The following MESP2 variants were observed in gnomAD, a reference collection of about 807,000 sequenced individuals.
MESP2 encodes mesoderm posterior protein 2.
Under a neutral mutation model 37.8 loss-of-function variants are expected in MESP2, and 34 were observed. The ratio of observed to expected loss-of-function variants is 0.90; its 90% CI spans 0.68 to 1.20. The LOEUF (loss-of-function observed/expected upper bound fraction) is 1.20, where lower values mean the gene tolerates loss of function less well. MESP2 is among the 50% of genes most tolerant of loss of function. The pLI, the probability that MESP2 is intolerant of heterozygous loss-of-function variation, is 0.00. For missense variants in MESP2, 646 were observed against 545.3 expected, an observed-to-expected ratio of 1.18 and a Z score of -1.84; for synonymous variants, 303 against 251.6, an observed-to-expected ratio of 1.20 and a Z score of -1.93.
Position 89,777,199 on chromosome 15 carries a change from C to A in MESP2, c.842C>A (p.Thr281Lys). The A allele has an allele frequency of 6.2e-7, 1 of 1,612,738 alleles. No homozygotes were observed. Among genetic ancestry groups the A allele is most frequent in the Non-Finnish European group, 8.5e-7 (1 of 1,179,902 alleles). ...LWTPPQGCPW[T>K]QSSPEPRNPP... Reference sequence around the variant, plus strand: ...ACGCCACCCCAAGGCTGTCCCTGGACGCAGTCGTCCCCAGAGCCCCGGAAC... The same window carrying A: ...ACGCCACCCCAAGGCTGTCCCTGGAAGCAGTCGTCCCCAGAGCCCCGGAAC... The change falls in exon 1 of 2, where the codon ACG (threonine) becomes AAG (lysine). Residue 281 changes from threonine to lysine, a missense_variant. By Grantham distance (78) the Thr-to-Lys change is moderately conservative (BLOSUM62 -1). Transcript: ENST00000341735.
In MESP2 at chr15:89,776,463, TCCTCCGATTCG is replaced by T; in HGVS notation, c.107_117del (p.Ser36PhefsTer327). 3 of 1,534,236 alleles carry T rather than the reference TCCTCCGATTCG, an allele frequency of 2.0e-6. No homozygotes were observed. The highest frequency in any genetic ancestry group is 2.6e-6 in the Non-Finnish European group (3 of 1,146,040). ...CTGGGACTCCACGTCCCCGGCCTCC[TCCTCCGATTCG>T]TCGGGTTCGTGCCCCTGCGACGGCG... On this transcript the variant is annotated frameshift_variant, in exon 1 of 2. Transcript: ENST00000341735. LOFTEE classifies it high-confidence loss of function.
rs199662104 is a variant in MESP2, at chr15:89,777,144, C to G, written c.787C>G (p.Gln263Glu). The change falls in exon 1 of 2, where the codon CAA (glutamine) becomes GAA (glutamate). Residue 263 changes from glutamine to glutamate, a missense_variant. Coordinates refer to ENST00000341735, the MANE Select transcript of MESP2 (RefSeq NM_001039958.2). The stretch of plus-strand genomic sequence containing the variant: ...GATACAGTCGCCCCCGTATTCGTCC[C>G]AAGGGACAACCTCCGACGCGTCTCT... ...PKIQSPPYSSQGTTSDASLWT... is the reference protein window; with the variant it reads ...PKIQSPPYSSEGTTSDASLWT... The G allele has an allele frequency of 8.1e-5, 131 of 1,613,000 alleles. No individual in the cohort carries two copies. The African/African-American group carries it at 1.3e-3, about 16-fold the overall frequency.
Position 89,777,139 on chromosome 15 carries a change from C to T in MESP2, c.782C>T (p.Ser261Leu), listed in dbSNP as rs757839053. 1 of 1,613,018 alleles carries T rather than the reference C, an allele frequency of 6.2e-7. No homozygotes were observed. Among genetic ancestry groups the T allele is most frequent in the Non-Finnish European group, 8.5e-7 (1 of 1,179,990 alleles). ...CCCAAGATACAGTCGCCCCCGTATT[C>T]GTCCCAAGGGACAACCTCCGACGCG... ...YCPKIQSPPY[S>L]SQGTTSDASL... Residue 261 changes from serine (S) to leucine (L), a missense_variant, in exon 1 of 2, where the codon TCG becomes TTG. By Grantham distance (145) the Ser-to-Leu change is moderately radical. Coordinates refer to ENST00000341735, the MANE Select transcript of MESP2 (RefSeq NM_001039958.2).
rs1377497655 is a variant in MESP2, at chr15:89,776,612, C to G, written c.255C>G (p.Ser85Arg). 11 of 1,519,806 alleles carry G rather than the reference C, an allele frequency of 7.2e-6. No individual in the cohort carries two copies. The highest frequency in any genetic ancestry group is 1.7e-4 in the Middle Eastern group (1 of 5,744). The allele number at this position is 1,519,806 out of a possible 1,614,324, so 94.1% of individuals were successfully genotyped here. Residue 85 changes from serine (S) to arginine (R), a missense_variant, in exon 1 of 2, where the codon AGC (serine) becomes AGG (arginine). Coordinates refer to ENST00000341735, the MANE Select transcript of MESP2 (RefSeq NM_001039958.2). ...GACCAGCGGGCGGACAGCGGCAGAG[C>G]GCCAGCGAGCGGGAGAAACTGCGCA... The part of the protein sequence containing the change: ...RTGPAGGQRQ[S>R]ASEREKLRMR...
In MESP2 at chr15:89,777,913, G is replaced by A. The variant is rs536602772; in HGVS notation, c.925-152G>A. 147 of 995,686 alleles carry A rather than the reference G, an allele frequency of 1.5e-4. 1 individual carries two copies. The African/African-American group carries it at 1.6e-3, about 11-fold the overall frequency. The allele number at this position is 995,686 out of a possible 1,614,324, so 61.7% of individuals were successfully genotyped here. On this transcript the variant is annotated intron_variant, in intron 1 of 1. Transcript: ENST00000341735. Reference sequence around the variant, plus strand: ...TTTAAGCCTTAGCAGAGTGTCTCCCGAGCCAGTCCTCTTAACCACTTGGCT... The same window carrying A: ...TTTAAGCCTTAGCAGAGTGTCTCCCAAGCCAGTCCTCTTAACCACTTGGCT...
At position 89,777,159 on chromosome 15, in the gene MESP2, G is replaced by A. The variant is rs1264841471; in HGVS notation, c.802G>A (p.Asp268Asn). The change falls in exon 1 of 2, where the codon GAC becomes AAC. Residue 268 changes from aspartate (D) to asparagine (N), a missense_variant. By Grantham distance (23) the Asp-to-Asn change is conservative. Transcript: ENST00000341735. ...PPYSSQGTTS[D>N]ASLWTPPQGC... The stretch of plus-strand genomic sequence containing the variant: ...GTATTCGTCCCAAGGGACAACCTCC[G>A]ACGCGTCTCTTTGGACGCCACCCCA... 5.0e-6 allele frequency: 8 copies of A among 1,612,890 alleles called. No individual in the cohort carries two copies. Among genetic ancestry groups the A allele is most frequent in the Admixed American group, 1.7e-5 (1 of 60,018 alleles).
Position 89,777,173 on chromosome 15 carries a change from G to C in MESP2, c.816G>C (p.Trp272Cys), listed in dbSNP as rs1269851855. The change falls in exon 1 of 2, where the codon TGG becomes TGC. Residue 272 changes from tryptophan (W) to cysteine (C), a missense_variant. Coordinates refer to ENST00000341735, the MANE Select transcript of MESP2 (RefSeq NM_001039958.2). ...GGACAACCTCCGACGCGTCTCTTTG[G>C]ACGCCACCCCAAGGCTGTCCCTGGA... ...SQGTTSDASL[W>C]TPPQGCPWTQ... 2.5e-6 allele frequency: 4 copies of C among 1,612,888 alleles called. No individual in the cohort carries two copies. Among genetic ancestry groups the C allele is most frequent in the Non-Finnish European group, 3.4e-6 (4 of 1,179,960 alleles).
At chr15:89,777,838 C>T (rs552449159) in intron 1 of MESP2, among the ~76,000 whole-genome samples, 1 of 152,134 alleles carries the variant, frequency 6.6e-6, no homozygotes, top group Admixed American at 6.5e-5. Context: ...AAAACTGAGA[C>T]TAAAAGAAGC....
Position 89,776,808 on chromosome 15 carries a change from A to G in MESP2, c.451A>G (p.Arg151Gly). 1 of 1,475,446 alleles carries G rather than the reference A, an allele frequency of 6.8e-7. No individual in the cohort carries two copies. The highest frequency in any genetic ancestry group is 8.9e-7 in the Non-Finnish European group (1 of 1,121,134). 91.4% of individuals were successfully genotyped at this position (1,475,446 alleles called of 1,614,324 possible). A position where few individuals can be genotyped will look rare whatever the true frequency, so the allele number is the denominator to read the frequency against. Residue 151 changes from arginine to glycine, a missense_variant, in exon 1 of 2, where the codon AGG becomes GGG. Physicochemically the swap from Arg to Gly is moderately radical, Grantham distance 125. Coordinates refer to ENST00000341735, the MANE Select transcript of MESP2 (RefSeq NM_001039958.2). Reference protein sequence around the residue: ...LSEESLQCRRRQRGDAGSPWG... With the variant: ...LSEESLQCRRGQRGDAGSPWG... ...CGAGGAGAGTCTGCAGTGCCGGCGC[A>G]GGCAGCGCGGGGACGCGGGGTCCCC...
chr15:89,776,469 G>T lies in MESP2; in HGVS notation c.112G>T (p.Asp38Tyr). The T allele has an allele frequency of 1.3e-6, 2 of 1,534,386 alleles. No individual in the cohort carries two copies. The highest frequency in any genetic ancestry group is 1.7e-6 in the Non-Finnish European group (2 of 1,146,058). The stretch of plus-strand genomic sequence containing the variant: ...CTCCACGTCCCCGGCCTCCTCCTCC[G>T]ATTCGTCGGGTTCGTGCCCCTGCGA... The part of the protein sequence containing the change: ...WDSTSPASSS[D>Y]SSGSCPCDGA... The change falls in exon 1 of 2, where the codon GAT becomes TAT. Residue 38 changes from aspartate to tyrosine, a missense_variant. Physicochemically the swap from Asp to Tyr is radical, Grantham distance 160. Transcript: ENST00000341735.
In MESP2 at chr15:89,777,081, G is replaced by A. The variant is rs1368051792; in HGVS notation, c.724G>A (p.Asp242Asn). ...CGAGCGCCTGGGGAGGGGGGTCCAC[G>A]ACACGGATCCCTGGGCAACACCCCC... Reference protein sequence around the residue: ...APERLGRGVHDTDPWATPPYC... With the variant: ...APERLGRGVHNTDPWATPPYC... The change falls in exon 1 of 2, where the codon GAC becomes AAC. Residue 242 changes from aspartate (D) to asparagine (N), a missense_variant. By Grantham distance (23) the Asp-to-Asn change is conservative. Coordinates refer to ENST00000341735, the MANE Select transcript of MESP2 (RefSeq NM_001039958.2). The A allele has an allele frequency of 6.8e-6, 11 of 1,611,772 alleles. No individual in the cohort carries two copies. The highest frequency in any genetic ancestry group is 7.6e-6 in the Non-Finnish European group (9 of 1,179,566).
chr15:89,777,037 C>T lies in MESP2; in HGVS notation c.680C>T (p.Pro227Leu). Residue 227 changes from proline to leucine, a missense_variant, in exon 1 of 2, where the codon CCC becomes CTC. Transcript: ENST00000341735. ...EASWGSPSAC[P>L]GAQAAPERLG... Reference sequence around the variant, plus strand: ...TCCTGGGGATCCCCGTCCGCCTGCCCCGGAGCCCAAGCCGCACCCGAGCGC... The same window carrying T: ...TCCTGGGGATCCCCGTCCGCCTGCCTCGGAGCCCAAGCCGCACCCGAGCGC... The T allele has an allele frequency of 1.3e-6, 2 of 1,599,812 alleles. No homozygotes were observed. The highest frequency in any genetic ancestry group is 1.7e-6 in the Non-Finnish European group (2 of 1,174,746).
Position 89,778,656 on chromosome 15 carries a change from C to G in MESP2, c.*322C>G. 2 of 374,364 alleles carry G rather than the reference C, an allele frequency of 5.3e-6. No individual in the cohort carries two copies. The highest frequency in any genetic ancestry group is 6.5e-5 in the South Asian group (2 of 30,934). The allele number at this position is 374,364 out of a possible 1,614,324, so 23.2% of individuals were successfully genotyped here. On this transcript the variant is annotated 3_prime_UTR_variant, in exon 2 of 2. Transcript: ENST00000341735. ...CAGGTGGGAGAATGGGTGTAGGAGG[C>G]AGGCCCCAGGCTCTGCTTCTTGGTG... is the stretch of plus-strand genomic sequence containing the variant.
chr15:89,776,720 G>T lies in MESP2; in HGVS notation c.363G>T (p.Lys121Asn). 6.4e-7 allele frequency: 1 copy of T among 1,561,500 alleles called. No homozygotes were observed. The highest frequency in any genetic ancestry group is 8.6e-7 in the Non-Finnish European group (1 of 1,159,748). ...CGCCGGCCGGCCAGAGCCTGACCAA[G>T]ATCGAGACGCTGCGCCTGGCCATCC... ...SLAPAGQSLT[K>N]IETLRLAIRY... Residue 121 changes from lysine to asparagine, a missense_variant, in exon 1 of 2, where the codon AAG becomes AAT. By Grantham distance (94) the Lys-to-Asn change is moderately conservative (BLOSUM62 0). Transcript: ENST00000341735.
intron 1 of MESP2, 144 bp from the exon 2 acceptor site, chr15:89,777,921 C>A (rs1445723298): frequency 1.8e-6 from 2 of 1,103,980 alleles, no homozygotes; most frequent in African/African-American, 1.5e-5. Flanking sequence ...CCGAGCCAGT[C>A]CTCTTAACCA....
chr15:89,777,050 C>A lies in MESP2; in HGVS notation c.693C>A (p.Ala231=). ...GSPSACPGAQ[A]APERLGRGVH... Reference sequence around the variant, plus strand: ...CGTCCGCCTGCCCCGGAGCCCAAGCCGCACCCGAGCGCCTGGGGAGGGGGG... The same window carrying A: ...CGTCCGCCTGCCCCGGAGCCCAAGCAGCACCCGAGCGCCTGGGGAGGGGGG... The change falls in exon 1 of 2, where the codon GCC becomes GCA. Residue 231 remains alanine, a synonymous_variant. Transcript: ENST00000341735. 1 of 1,606,470 alleles carries A rather than the reference C, an allele frequency of 6.2e-7. No individual in the cohort carries two copies. The highest frequency in any genetic ancestry group is 8.5e-7 in the Non-Finnish European group (1 of 1,177,490).
chr15:89,777,084 A>T lies in MESP2; in HGVS notation c.727A>T (p.Thr243Ser). The T allele has an allele frequency of 6.2e-7, 1 of 1,612,082 alleles. No homozygotes were observed. Among genetic ancestry groups the T allele is most frequent in the Non-Finnish European group, 8.5e-7 (1 of 1,179,700 alleles). ...GCGCCTGGGGAGGGGGGTCCACGACACGGATCCCTGGGCAACACCCCCTTA... is the reference window on the plus strand; with the variant it reads ...GCGCCTGGGGAGGGGGGTCCACGACTCGGATCCCTGGGCAACACCCCCTTA... ...PERLGRGVHD[T>S]DPWATPPYCP... Residue 243 changes from threonine (T) to serine (S), a missense_variant, in exon 1 of 2, where the codon ACG (threonine) becomes TCG (serine). Thr to Ser is a moderately conservative substitution (Grantham distance 58, BLOSUM62 1). Coordinates refer to ENST00000341735, the MANE Select transcript of MESP2 (RefSeq NM_001039958.2).
chr15:89,776,606 G>C lies in MESP2; in HGVS notation c.249G>C (p.Arg83=), dbSNP rs756764999. ...RARTGPAGGQ[R]QSASEREKLR... ...GCACCGGACCAGCGGGCGGACAGCG[G>C]CAGAGCGCCAGCGAGCGGGAGAAAC... The change falls in exon 1 of 2, where the codon CGG becomes CGC. Residue 83 remains arginine (R), a synonymous_variant. Coordinates refer to ENST00000341735, the MANE Select transcript of MESP2 (RefSeq NM_001039958.2). The C allele has an allele frequency of 6.6e-7, 1 of 1,522,074 alleles. No homozygotes were observed. Among genetic ancestry groups the C allele is most frequent in the Non-Finnish European group, 8.8e-7 (1 of 1,141,786 alleles). 94.3% of individuals were successfully genotyped at this position (1,522,074 alleles called of 1,614,324 possible).
Position 89,776,390 on chromosome 15 carries a change from C to A in MESP2, c.33C>A (p.Leu11=), listed in dbSNP as rs747884191. The change falls in exon 1 of 2, where the codon CTC becomes CTA. Residue 11 remains leucine (L), a synonymous_variant. Coordinates refer to ENST00000341735, the MANE Select transcript of MESP2 (RefSeq NM_001039958.2). Reference sequence around the variant, plus strand: ...AGTCGCCTCCTCCGCAGAGCCTCCTCGGCCACGACCACTGGATCTTCGCCC... The same window carrying A: ...AGTCGCCTCCTCCGCAGAGCCTCCTAGGCCACGACCACTGGATCTTCGCCC... MAQSPPPQSL[L]GHDHWIFAQG... 5.2e-6 allele frequency: 8 copies of A among 1,532,432 alleles called. No individual in the cohort carries two copies. Among genetic ancestry groups the A allele is most frequent in the Non-Finnish European group, 7.0e-6 (8 of 1,145,906 alleles). 94.9% of individuals were successfully genotyped at this position (1,532,432 alleles called of 1,614,324 possible). A position where few individuals can be genotyped will look rare whatever the true frequency, so the allele number is the denominator to read the frequency against.
Sources: allele counts gnomAD v4.1 joint callset (sites outside exome capture counted in the v4.1 genomes callset), GRCh38; gene constraint gnomAD v4.1.1; transcripts MANE v1.5; gene names NCBI Gene and HGNC (gene_info 2026-07-23, HGNC 2026-07-21).